ZPLD1: variants seen among roughly 807,000 people sequenced by gnomAD.
ZPLD1 encodes the protein zona pellucida-like domain-containing protein 1.
A neutral mutation model predicts 47.2 loss-of-function variants in ZPLD1; 34 were observed. The ratio of observed to expected loss-of-function variants is 0.72; its 90% confidence interval spans 0.55 to 0.96. The LOEUF (loss-of-function observed/expected upper bound fraction) is 0.96, where lower values mean the gene tolerates loss of function less well. Ranked by LOEUF, ZPLD1 falls within the 40% of genes least tolerant of loss-of-function variation. ZPLD1 has a pLI of 0.00. For synonymous variants in ZPLD1, 176 were observed against 186.2 expected (o/e 0.95, Z 0.45); for missense variants, 512 against 505.8 (o/e 1.01, Z -0.12).
chr3:102,467,836 T>TACACACACACACACACAC (rs61096565), intron 8 of ZPLD1, among the ~76,000 whole-genome samples: 5 of 140,896 alleles, frequency 3.5e-5, no homozygotes, highest in African/African-American at 1.0e-4. Context: ...AATAAAACTG[T>TACACACACACACACACAC]ACACACACAC....
intron 3 of ZPLD1, among the ~76,000 whole-genome samples, chr3:102,443,823 G>A (rs1707215740): frequency 6.6e-6 from 1 of 152,144 alleles, no homozygotes. Flanking sequence ...AGTTATCCCA[G>A]GGAATATGTT....
intron 7 of ZPLD1, among the ~76,000 whole-genome samples, chr3:102,407,142 T>A (rs1402926492): frequency 6.6e-6 from 1 of 151,528 alleles, no homozygotes; most frequent in Middle Eastern, 3.4e-3. Flanking sequence ...ACTCTTAAAG[T>A]TGTTTTTTAG....
chr3:102,395,986 GA>G (rs777264747), intron 7 of ZPLD1, among the ~76,000 whole-genome samples: 116 of 152,184 alleles, frequency 7.6e-4, no homozygotes, highest in African/African-American at 1.4e-3. Context: ...GCATGTTCAT[GA>G]TTTCTTTAGA....
intron 3 of ZPLD1, among the ~76,000 whole-genome samples, chr3:102,440,412 GAGA>G (rs1025339125): frequency 1.5e-4 from 23 of 152,238 alleles, no homozygotes; most frequent in Non-Finnish European, 2.6e-4. Context: ...GTGAGAGAAA[GAGA>G]AGATTAAAGG....
intron 8 of ZPLD1, among the ~76,000 whole-genome samples, chr3:102,420,765 A>T (rs1048104350): frequency 2.0e-5 from 3 of 151,914 alleles, no homozygotes; most frequent in Non-Finnish European, 4.4e-5. Flanking sequence ...CTAGAACATG[A>T]AGAAATATAT....
At chr3:102,456,397 C>A (rs763641888) in intron 5 of ZPLD1, 23 bp downstream of exon 5, 11 of 1,602,064 alleles carry the variant, frequency 6.9e-6, no homozygotes, top group Non-Finnish European at 9.4e-6. Context: ...TTTATTCCTG[C>A]TTTCTCATAT....
In ZPLD1 at chr3:102,401,336, C is replaced by T. The variant is rs141910472; in HGVS notation, c.-157+9111C>T. 2.4e-3 allele frequency among the ~76,000 whole-genome samples: 361 copies of T among 152,192 alleles called. 1 individual carries two copies. Among genetic ancestry groups the T allele is most frequent in the African/African-American group, 8.2e-3 (339 of 41,548 alleles). ...TAGATGCAGTCCTTACTGATATTTT[C>T]GTCCTCTGGCAATGTAACATTTGAC... On this transcript the variant is annotated intron_variant, in intron 7 of 17. Transcript: ENST00000491959.
chr3:102,477,460 C>G lies in ZPLD1; in HGVS notation c.1090C>G (p.Pro364Ala). ...NSQLGSPSMP[P>A]FQLNAITSAL... The stretch of plus-strand genomic sequence containing the variant: ...ATTTGCAGGTTCTCCAAGTATGCCT[C>G]CCTTCCAGCTGAACGCCATCACCAG... The change falls in exon 12 of 12, where the codon CCC becomes GCC. Residue 364 changes from proline (P) to alanine (A), a missense_variant. Transcript: ENST00000466937. The G allele has an allele frequency of 6.2e-7, 1 of 1,612,556 alleles. No individual in the cohort carries two copies. Among genetic ancestry groups the G allele is most frequent in the Non-Finnish European group, 8.5e-7 (1 of 1,179,380 alleles).
At chr3:102,423,467 C>T (rs1341024743) in intron 8 of ZPLD1, among the ~76,000 whole-genome samples, 1 of 151,796 alleles carries the variant, frequency 6.6e-6, no homozygotes, top group Non-Finnish European at 1.5e-5. Flanking sequence ...GGATGCAGAC[C>T]ATTATATTAT....
At chr3:102,446,579 G>A (rs765627780) in intron 3 of ZPLD1, among the ~76,000 whole-genome samples, 1 of 151,904 alleles carries the variant, frequency 6.6e-6, no homozygotes, top group Admixed American at 6.6e-5. Flanking sequence ...CTTTCTCCCT[G>A]AATTTTTTTA....
At chr3:102,460,345 G>A (rs1232220640) in intron 6 of ZPLD1, among the ~76,000 whole-genome samples, 1 of 151,932 alleles carries the variant, frequency 6.6e-6, no homozygotes, top group East Asian at 1.9e-4. Flanking sequence ...TTATTTTTAT[G>A]TGCTCTGGGA....
intron 7 of ZPLD1, among the ~76,000 whole-genome samples, chr3:102,392,856 CAT>C (rs1706512883): frequency 6.6e-6 from 1 of 152,234 alleles, no homozygotes; most frequent in South Asian, 2.1e-4. Flanking sequence ...TTCATGCAAA[CAT>C]GTTGATTTCC....
intron 1 of ZPLD1, among the ~76,000 whole-genome samples, chr3:102,436,350 T>G (rs1707091539): frequency 6.6e-6 from 1 of 152,214 alleles, no homozygotes; most frequent in Non-Finnish European, 1.5e-5. Flanking sequence ...TTAAAAATAA[T>G]TTTATTTCTC....
intron 3 of ZPLD1, among the ~76,000 whole-genome samples, chr3:102,440,819 A>G (rs112971036): frequency 4.6e-5 from 7 of 152,180 alleles, no homozygotes; most frequent in African/African-American, 1.7e-4. Context: ...GTTGAAATCA[A>G]TTCCTGGGAC....
chr3:102,450,944 G>A (rs1489201837), intron 3 of ZPLD1, among the ~76,000 whole-genome samples: 1 of 152,084 alleles, frequency 6.6e-6, no homozygotes, highest in African/African-American at 2.4e-5. Flanking sequence ...TTTAAGTAGT[G>A]TTTATTATTT....
intron 8 of ZPLD1, among the ~76,000 whole-genome samples, chr3:102,465,529 G>A (rs1032321108): frequency 6.6e-6 from 1 of 152,118 alleles, no homozygotes; most frequent in Non-Finnish European, 1.5e-5. Flanking sequence ...AAGAGAAACA[G>A]CAAAAGGCTC....
intron 8 of ZPLD1, among the ~76,000 whole-genome samples, chr3:102,419,586 C>T (rs1303282296): frequency 6.6e-6 from 1 of 151,170 alleles, no homozygotes; most frequent in Non-Finnish European, 1.5e-5. Context: ...TTTAAAGCTT[C>T]TTTTCCCCTT....
chr3:102,446,166 G>T (rs1707252818), intron 3 of ZPLD1, among the ~76,000 whole-genome samples: 1 of 152,070 alleles, frequency 6.6e-6, no homozygotes, highest in Non-Finnish European at 1.5e-5. Flanking sequence ...ATACACTCTA[G>T]GAAAACCCAG....
intron 7 of ZPLD1, among the ~76,000 whole-genome samples, chr3:102,405,659 C>A (rs1706673208): frequency 6.6e-6 from 1 of 152,056 alleles, no homozygotes; most frequent in Admixed American, 6.6e-5. Context: ...TAAACTTATA[C>A]TAGCATGTTC....
Sources: allele counts gnomAD v4.1 joint callset (sites outside exome capture counted in the v4.1 genomes callset), GRCh38; gene constraint gnomAD v4.1.1; transcripts MANE v1.5; gene names NCBI Gene and HGNC (gene_info 2026-07-23, HGNC 2026-07-21).